SNX29: variants seen among roughly 807,000 people sequenced by gnomAD.
SNX29 encodes the protein sorting nexin 29, also known as sorting nexin-29.
Under a neutral mutation model 102.1 loss-of-function variants are expected in SNX29, and 78 were observed. The ratio of observed to expected loss-of-function variants is 0.76; its 90% confidence interval spans 0.64 to 0.92. The LOEUF is 0.92. Ranked by LOEUF, SNX29 falls within the 40% of genes least tolerant of loss-of-function variation. SNX29 has a pLI of 0.00. For synonymous variants in SNX29, 580 were observed against 414.5 expected (o/e 1.40, Z -4.85); for missense variants, 1,280 against 1,061.7 (o/e 1.21, Z -2.86).
intron 16 of SNX29, among the ~76,000 whole-genome samples, chr16:12,362,767 C>G (rs2082345784): frequency 1.3e-5 from 2 of 152,104 alleles, no homozygotes; most frequent in Non-Finnish European, 2.9e-5. Flanking sequence ...GACTATGATG[C>G]TGACATGTGT....
chr16:12,468,421 T>C (rs9923444), intron 18 of SNX29, among the ~76,000 whole-genome samples: 115,842 of 151,944 alleles, frequency 0.76, 45,606 homozygotes, highest in East Asian at 1. Context: ...GTGATCTGCC[T>C]GCCTTAGCCT....
chr16:12,563,591 C>G (rs921151749), intron 20 of SNX29, among the ~76,000 whole-genome samples: 1 of 138,488 alleles, frequency 7.2e-6, no homozygotes, highest in African/African-American at 2.5e-5. Flanking sequence ...CTTAGGCCTC[C>G]ATGTCTGTAT....
chr16:12,546,811 C>G (rs531044415), intron 20 of SNX29: 1 of 152,178 alleles, frequency 6.6e-6, no homozygotes, highest in Non-Finnish European at 1.5e-5. Context: ...ATTAGGATTG[C>G]TTTCAAAATA....
At chr16:12,567,811 G>A (rs144802359) in intron 20 of SNX29, among the ~76,000 whole-genome samples, 1 of 152,196 alleles carries the variant, frequency 6.6e-6, no homozygotes, top group East Asian at 1.9e-4. Flanking sequence ...ACTTCCTGCT[G>A]AGCACCCTCT....
At chr16:12,339,372 A>AAAAAAAAAC (rs2081548425) in intron 15 of SNX29, among the ~76,000 whole-genome samples, 1 of 127,258 alleles carries the variant, frequency 7.9e-6, no homozygotes, top group Non-Finnish European at 1.5e-5. Context: ...TTCTGTCTCA[A>AAAAAAAAAC]AAAAAAAAAA....
intron 13 of SNX29, among the ~76,000 whole-genome samples, chr16:12,194,981 T>C (rs2076737649): frequency 6.6e-6 from 1 of 152,314 alleles, no homozygotes; most frequent in South Asian, 2.1e-4. Flanking sequence ...GTAAAGTGCA[T>C]TGTTGAAAAA....
chr16:12,489,732 A>G (rs2088444627), intron 19 of SNX29, among the ~76,000 whole-genome samples: 1 of 152,170 alleles, frequency 6.6e-6, no homozygotes, highest in Non-Finnish European at 1.5e-5. Context: ...CCACATAGGC[A>G]TGCTTGCTTT....
chr16:12,220,672 T>C (rs1435079727), intron 14 of SNX29, among the ~76,000 whole-genome samples: 1 of 152,232 alleles, frequency 6.6e-6, no homozygotes, highest in East Asian at 1.9e-4. Context: ...CCTAAAATAT[T>C]TTTCTTTTCT....
At chr16:12,037,920 G>A (rs890957500) in intron 4 of SNX29, among the ~76,000 whole-genome samples, 6 of 151,998 alleles carry the variant, frequency 3.9e-5, no homozygotes, top group African/African-American at 1.4e-4. Flanking sequence ...GTGCCACTGT[G>A]CTCTAGCCTG....
intron 19 of SNX29, among the ~76,000 whole-genome samples, chr16:12,523,597 T>C (rs1359491735): frequency 6.6e-6 from 1 of 152,174 alleles, no homozygotes; most frequent in Non-Finnish European, 1.5e-5. Flanking sequence ...TGGTTCCAAA[T>C]TAATGAGAAT....
chr16:12,071,094 G>A (rs1432811862), intron 10 of SNX29, among the ~76,000 whole-genome samples: 7 of 151,512 alleles, frequency 4.6e-5, no homozygotes, highest in Admixed American at 1.3e-4. Context: ...AGTAGGTTGC[G>A]AAAATTTTCT....
intron 17 of SNX29, among the ~76,000 whole-genome samples, chr16:12,401,579 G>A (rs1001457992): frequency 1.3e-5 from 2 of 151,944 alleles, no homozygotes; most frequent in African/African-American, 4.8e-5. Context: ...GGCCAGGCTG[G>A]TCTCGAACTC....
intron 17 of SNX29, among the ~76,000 whole-genome samples, chr16:12,403,192 T>TTGTGTGTGTATGTGTGTGTGTGTGTG (rs1210356545): frequency 7.7e-6 from 1 of 129,640 alleles, no homozygotes; most frequent in Non-Finnish European, 1.6e-5. Context: ...GGAGTACAGA[T>TTGTGTGTGTATGTGTGTGTGTGTGTG]TGTGTGTGTA....
intron 14 of SNX29, among the ~76,000 whole-genome samples, chr16:12,263,201 G>C (rs899046985): frequency 6.7e-6 from 1 of 149,808 alleles, no homozygotes; most frequent in African/African-American, 2.5e-5. Context: ...GCATGATCTC[G>C]GCTCACTGCA....
At chr16:12,562,861 G>A (rs8055385) in intron 20 of SNX29, among the ~76,000 whole-genome samples, 2 of 152,154 alleles carry the variant, frequency 1.3e-5, no homozygotes, top group African/African-American at 2.4e-5. Context: ...ACAGCTCCCG[G>A]TCTGTGCTTT....
rs1007714324 is a variant in SNX29, at chr16:12,573,410, G to GA, written c.*4786dup. On this transcript the variant is annotated 3_prime_UTR_variant, in exon 21 of 21. Coordinates refer to ENST00000566228, the MANE Select transcript of SNX29 (RefSeq NM_032167.5). ...TTATAGCTAGTTTCTATAGAGAAGT[G>GA]AAAAAGAAATCTGGCTTCCTTAATA... 1 of 223,260 alleles carries GA rather than the reference G, an allele frequency of 4.5e-6. No individual in the cohort carries two copies. Among genetic ancestry groups the GA allele is most frequent in the Non-Finnish European group, 8.9e-6 (1 of 111,984 alleles). The allele number at this position is 223,260 out of a possible 1,614,324, so 13.8% of individuals were successfully genotyped here.
chr16:12,425,478 T>C (rs1277370491), intron 18 of SNX29, among the ~76,000 whole-genome samples: 3 of 143,644 alleles, frequency 2.1e-5, no homozygotes, highest in Admixed American at 1.5e-4. Flanking sequence ...CGTAATTCCA[T>C]TGCACGCTGA....
At chr16:12,376,001 C>T (rs1328015563) in intron 16 of SNX29, 2 of 131,176 alleles carry the variant, frequency 1.5e-5, no homozygotes, top group African/African-American at 6.1e-5. Context: ...CCACTACATT[C>T]CAGTCTGGGT....
At chr16:12,383,126 A>G (rs932925982) in intron 16 of SNX29, among the ~76,000 whole-genome samples, 1 of 152,210 alleles carries the variant, frequency 6.6e-6, no homozygotes, top group Non-Finnish European at 1.5e-5. Context: ...GCCTTTAGAC[A>G]TTAAGTTAAG....
Sources: allele counts gnomAD v4.1 joint callset (sites outside exome capture counted in the v4.1 genomes callset), GRCh38; gene constraint gnomAD v4.1.1; transcripts MANE v1.5; gene names NCBI Gene and HGNC (gene_info 2026-07-23, HGNC 2026-07-21).